Variants in POU2AF1 observed in about 807,000 individuals in gnomAD.
The protein encoded by POU2AF1 is POU class 2 homeobox associating factor 1.
POU2AF1 carries 12 observed loss-of-function variants against 26.3 expected under a neutral mutation model. The ratio of observed to expected loss-of-function variants is 0.46; its 90% confidence interval spans 0.29 to 0.74. POU2AF1 has a LOEUF of 0.74. Ranked by LOEUF, POU2AF1 falls within the 30% of genes least tolerant of loss-of-function variation. The probability of loss-of-function intolerance (pLI) is 0.09; values close to 1 mark genes in which losing one functional copy is unlikely to be tolerated. For missense variants in POU2AF1, 297 were observed against 334.5 expected, an observed-to-expected ratio of 0.89 and a Z score of 0.87; for synonymous variants, 175 against 148.0, an observed-to-expected ratio of 1.18 and a Z score of -1.32.
chr11:111,376,602 G>T (rs1861314457), intron 1 of POU2AF1, among the ~76,000 whole-genome samples: 1 of 152,164 alleles, frequency 6.6e-6, no homozygotes, highest in Admixed American at 6.5e-5. Flanking sequence ...AGGGTCATGG[G>T]CTAGGTAGGG....
chr11:111,357,122 G>C (rs1860861600), intron 4 of POU2AF1, among the ~76,000 whole-genome samples: 1 of 147,980 alleles, frequency 6.8e-6, no homozygotes, highest in South Asian at 2.1e-4. Flanking sequence ...CTCGCCTGGT[G>C]CCACATTCAC....
At chr11:111,368,645 A>C (rs1286728811) in intron 1 of POU2AF1, among the ~76,000 whole-genome samples, 1 of 152,228 alleles carries the variant, frequency 6.6e-6, no homozygotes, top group Non-Finnish European at 1.5e-5. Flanking sequence ...AGAAGGACCC[A>C]GTGCAACACT....
Position 111,357,685 on chromosome 11 carries a change from A to T in POU2AF1, c.216T>A (p.Gly72=). The change falls in exon 4 of 5, where the codon GGT becomes GGA. Residue 72 remains glycine, a synonymous_variant. Coordinates refer to ENST00000393067, the MANE Select transcript of POU2AF1 (RefSeq NM_006235.3). The part of the protein sequence containing the change: ...TVGPSCLDME[G]SVSAVTEEAA... ...CCTCCTCTGTCACTGCAGACACAGA[A>T]CCTTCCATGTCCAGGCAGGAAGGAC... 1 of 1,613,102 alleles carries T rather than the reference A, an allele frequency of 6.2e-7. No individual in the cohort carries two copies. The highest frequency in any genetic ancestry group is 1.1e-5 in the South Asian group (1 of 90,896).
chr11:111,378,943 C>T (rs1861365547), intron 1 of POU2AF1, among the ~76,000 whole-genome samples: 1 of 152,184 alleles, frequency 6.6e-6, no homozygotes, highest in South Asian at 2.1e-4. Flanking sequence ...TCGTTCCCCT[C>T]CAGCCTGGAA....
chr11:111,361,740 T>A (rs1228867254), intron 1 of POU2AF1, among the ~76,000 whole-genome samples: 1 of 152,208 alleles, frequency 6.6e-6, no homozygotes, highest in Non-Finnish European at 1.5e-5. Context: ...TTTACAGCTG[T>A]CTCATCTATA....
intron 1 of POU2AF1, among the ~76,000 whole-genome samples, chr11:111,367,212 G>A (rs576863884): frequency 2.0e-5 from 3 of 152,290 alleles, no homozygotes; most frequent in African/African-American, 7.2e-5. Context: ...CTGCAGATCA[G>A]GTCAAGCACA....
intron 1 of POU2AF1, among the ~76,000 whole-genome samples, chr11:111,375,205 A>G (rs892913865): frequency 6.6e-5 from 10 of 152,226 alleles, no homozygotes; most frequent in Non-Finnish European, 1.3e-4. Context: ...AACAATAAAA[A>G]GCAACTGTCC....
At chr11:111,371,780 C>A (rs1236372832) in intron 1 of POU2AF1, among the ~76,000 whole-genome samples, 1 of 151,918 alleles carries the variant, frequency 6.6e-6, no homozygotes, top group Admixed American at 6.6e-5. Flanking sequence ...TACCACAATC[C>A]CATAAGGTAA....
chr11:111,366,462 A>C (rs573169760), intron 1 of POU2AF1, among the ~76,000 whole-genome samples: 87 of 152,344 alleles, frequency 5.7e-4, no homozygotes, highest in South Asian at 1.2e-3. Context: ...ATAAGTTGTA[A>C]TATCTTGCTT....
intron 1 of POU2AF1, among the ~76,000 whole-genome samples, chr11:111,375,002 TTC>T (rs1230694593): frequency 6.6e-6 from 1 of 152,220 alleles, no homozygotes; most frequent in Non-Finnish European, 1.5e-5. Flanking sequence ...TCCTTAATTT[TTC>T]TGTTTGCTAA....
chr11:111,361,002 T>C (rs1005637775), intron 1 of POU2AF1, among the ~76,000 whole-genome samples: 2 of 152,024 alleles, frequency 1.3e-5, no homozygotes, highest in African/African-American at 4.8e-5. Context: ...TTACAACTGC[T>C]GATAATCCAT....
intron 1 of POU2AF1, chr11:111,377,960 A>T (rs1475291057): frequency 4.7e-5 from 8 of 169,958 alleles, no homozygotes; most frequent in South Asian, 2.0e-4. Flanking sequence ...TTATTTTTTT[A>T]AAAAATTGAC....
At chr11:111,355,040 G>C (rs1416630332) in intron 4 of POU2AF1, among the ~76,000 whole-genome samples, 1 of 152,204 alleles carries the variant, frequency 6.6e-6, no homozygotes, top group East Asian at 1.9e-4. Context: ...GTCCTGCCCA[G>C]ACACAAAGAC....
At chr11:111,358,422 T>TCA (rs1565360806) in intron 2 of POU2AF1, among the ~76,000 whole-genome samples, 1,403 of 58,828 alleles carry the variant, frequency 0.024, 30 homozygotes, top group African/African-American at 0.068. Flanking sequence ...ACACACACGC[T>TCA]CACACTCTCA....
chr11:111,355,153 C>G (rs1354255522), intron 4 of POU2AF1, among the ~76,000 whole-genome samples: 1 of 152,168 alleles, frequency 6.6e-6, no homozygotes, highest in East Asian at 1.9e-4. Flanking sequence ...GCCTGGCCAT[C>G]CCCAGATGGG....
intron 1 of POU2AF1, among the ~76,000 whole-genome samples, chr11:111,365,857 CA>C (rs35060957): frequency 2.2e-3 from 299 of 137,020 alleles, no homozygotes; most frequent in South Asian, 5.7e-3. Flanking sequence ...AACTCCATCT[CA>C]AAAAAAAAAA....
In POU2AF1 at chr11:111,352,942, C is replaced by CA. The variant is rs993567299; in HGVS notation, c.*1318dup. On this transcript the variant is annotated 3_prime_UTR_variant, in exon 5 of 5. Coordinates refer to ENST00000393067, the MANE Select transcript of POU2AF1 (RefSeq NM_006235.3). ...AGTGAGACTCCGTCCCAAAAAAAACCAAAAAAAAGAAAGAAAGAGAGAGGA... is the reference window on the plus strand; with the variant it reads ...AGTGAGACTCCGTCCCAAAAAAAACCAAAAAAAAAGAAAGAAAGAGAGAGGA... 3 of 154,834 alleles carry CA rather than the reference C, an allele frequency of 1.9e-5. No homozygotes were observed. Among genetic ancestry groups the CA allele is most frequent in the Admixed American group, 8.4e-5 (1 of 11,910 alleles). 9.6% of individuals were successfully genotyped at this position (154,834 alleles called of 1,614,324 possible). A position where few individuals can be genotyped will look rare whatever the true frequency, so the allele number is the denominator to read the frequency against.
chr11:111,364,619 C>T (rs1436546218), intron 1 of POU2AF1, among the ~76,000 whole-genome samples: 8 of 152,244 alleles, frequency 5.3e-5, no homozygotes. Flanking sequence ...AGGTCCTTCT[C>T]CCAGCCATTG....
chr11:111,366,473 G>T (rs1046852079), intron 1 of POU2AF1, among the ~76,000 whole-genome samples: 2 of 152,212 alleles, frequency 1.3e-5, no homozygotes, highest in African/African-American at 4.8e-5. Flanking sequence ...TATCTTGCTT[G>T]GTAGGCTGGG....
Sources: allele counts gnomAD v4.1 joint callset (sites outside exome capture counted in the v4.1 genomes callset), GRCh38; gene constraint gnomAD v4.1.1; transcripts MANE v1.5; gene names NCBI Gene and HGNC (gene_info 2026-07-23, HGNC 2026-07-21).